GOLGA3: variants seen among roughly 807,000 people sequenced by gnomAD.
The protein encoded by GOLGA3 is golgin subfamily A member 3.
GOLGA3 carries 75 observed loss-of-function variants against 169.4 expected under a neutral mutation model. The ratio of observed to expected loss-of-function variants is 0.44; its 90% CI spans 0.37 to 0.54. The LOEUF is 0.54. Among genes scored for constraint, GOLGA3 ranks in the 20% least tolerant of loss-of-function variants. The probability of loss-of-function intolerance (pLI) is 0.00; values close to 1 mark genes in which losing one functional copy is unlikely to be tolerated. For missense variants in GOLGA3, 1,899 were observed against 1,930.0 expected (o/e 0.98, Z 0.30); for synonymous variants, 824 against 822.4 (o/e 1.00, Z -0.03).
intron 23 of GOLGA3, 148 bp downstream of exon 23, chr12:132,774,008 TC>T: frequency 1.5e-6 from 1 of 660,638 alleles, no homozygotes; most frequent in Non-Finnish European, 2.5e-6. Flanking sequence ...TATATAAACC[TC>T]AGAGGCTATG....
At position 132,780,811 on chromosome 12, in the gene GOLGA3, C is replaced by T. The variant is rs139074463; in HGVS notation, c.3569G>A (p.Ser1190Asn). Residue 1190 changes from serine (S) to asparagine (N), a missense_variant, in exon 18 of 24, where the codon AGC (serine) becomes AAC (asparagine). By Grantham distance (46) the Ser-to-Asn change is conservative (BLOSUM62 1). Transcript: ENST00000450791. Reference sequence around the variant, plus strand: ...GGTGGCACGCACCTGCTCCTTGAGGCTGTTCACCTTCTCCTTCTCCTTCTC... The same window carrying T: ...GGTGGCACGCACCTGCTCCTTGAGGTTGTTCACCTTCTCCTTCTCCTTCTC... Reference protein sequence around the residue: ...SLEKEKEKVNSLKEQVAAAKV... With the variant: ...SLEKEKEKVNNLKEQVAAAKV... 4,584 of 1,607,448 alleles carry T rather than the reference C, an allele frequency of 2.9e-3. 17 individuals carry two copies. The highest frequency in any genetic ancestry group is 2.5e-3 in the Non-Finnish European group (2,966 of 1,176,312).
intron 2 of GOLGA3, 107 bp from the exon 3 acceptor site, chr12:132,816,919 A>C: frequency 9.8e-7 from 1 of 1,024,966 alleles, no homozygotes; most frequent in Non-Finnish European, 1.4e-6. Context: ...ACTCATGAGC[A>C]CGGCACTTTC....
At chr12:132,817,990 A>G (rs550014658) in intron 2 of GOLGA3, among the ~76,000 whole-genome samples, 73 of 26,200 alleles carry the variant, frequency 2.8e-3, no homozygotes, top group South Asian at 5.3e-3. Context: ...ACACCTCCAC[A>G]CTCTAAGGTG....
chr12:132,786,112 TGAAC>T (rs950060356), intron 15 of GOLGA3, among the ~76,000 whole-genome samples: 45 of 152,328 alleles, frequency 3.0e-4, no homozygotes, highest in Admixed American at 2.5e-3. Context: ...GAAAATCAGG[TGAAC>T]GCCACAGGCC....
At position 132,774,149 on chromosome 12, in the gene GOLGA3, G is replaced by C. The variant is rs1341636357; in HGVS notation, c.4307+8C>G. ...CTAGCTGAAGTGCAGCACGGAATAC[G>C]GTCGTACTTGAGCTGCTGGAGGCAG... On this transcript the variant is annotated splice_region_variant and intron_variant, in intron 23 of 23. Coordinates refer to ENST00000450791, the MANE Select transcript of GOLGA3 (RefSeq NM_001389683.1). The C allele has an allele frequency of 5.1e-6, 8 of 1,582,096 alleles. No homozygotes were observed. In the Admixed American group the frequency reaches 1.3e-4, roughly 25 times the overall value.
intron 4 of GOLGA3, among the ~76,000 whole-genome samples, chr12:132,810,915 C>T (rs375429906): frequency 3.3e-5 from 5 of 152,328 alleles, no homozygotes; most frequent in Admixed American, 2.6e-4. Flanking sequence ...ATCCTGTACA[C>T]GTGGCTCTGC....
At chr12:132,780,664 G>A (rs527638657) in intron 18 of GOLGA3, 134 bp downstream of exon 18, 64 of 679,376 alleles carry the variant, frequency 9.4e-5, no homozygotes, top group Middle Eastern at 4.2e-4. Context: ...TGCGGCCTCC[G>A]TCACCAACAA....
chr12:132,802,882 CCT>C (rs1949201080), intron 7 of GOLGA3, among the ~76,000 whole-genome samples: 1 of 152,008 alleles, frequency 6.6e-6, no homozygotes, highest in African/African-American at 2.4e-5. Flanking sequence ...ATGGAGAAAC[CCT>C]GTCTCTAATA....
At chr12:132,811,807 A>G in intron 4 of GOLGA3, 1 of 953,792 alleles carries the variant, frequency 1.0e-6, no homozygotes, top group Non-Finnish European at 1.2e-6. Flanking sequence ...TAAGAAGAAC[A>G]CGCTGGTCAT....
chr12:132,788,921 ACCCCGCCCCAGACACAGG>A (rs71076475), intron 13 of GOLGA3, 88 bp downstream of exon 13: 49 of 220,334 alleles, frequency 2.2e-4, no homozygotes, highest in Middle Eastern at 2.3e-3. Flanking sequence ...ACCCAGACAG[ACCCCGCCCCAGACACAGG>A]CCCCGCCCCA....
At chr12:132,813,125 G>A (rs1949796249) in intron 4 of GOLGA3, among the ~76,000 whole-genome samples, 182 bp downstream of exon 4, 1 of 152,182 alleles carries the variant, frequency 6.6e-6, no homozygotes, top group African/African-American at 2.4e-5. Context: ...GTACCTCTGA[G>A]GTCACCCGTG....
In GOLGA3 at chr12:132,818,892, CCCA is replaced by C. The variant is rs573714058; in HGVS notation, c.134-2083_134-2081del. ...GGGTTGGACCAGTGACAATTCTATA[CCCA>C]CGTGTTACCTCAGTTCACCCACTAA... On this transcript the variant is annotated intron_variant, in intron 2 of 23. Transcript: ENST00000450791. Among the ~76,000 whole-genome samples the C allele has an allele frequency of 4.6e-4, 70 of 152,070 alleles. 1 individual carries two copies. The highest frequency in any genetic ancestry group is 8.1e-4 in the Non-Finnish European group (55 of 68,024).
intron 1 of GOLGA3, among the ~76,000 whole-genome samples, chr12:132,824,415 C>T (rs968488818): frequency 3.9e-5 from 6 of 152,202 alleles, no homozygotes; most frequent in East Asian, 1.9e-4. Context: ...TAAAAGGTTA[C>T]GTATGCTATT....
chr12:132,817,004 G>A (rs1949986820), intron 2 of GOLGA3, among the ~76,000 whole-genome samples, 192 bp from the exon 3 acceptor site: 1 of 152,076 alleles, frequency 6.6e-6, no homozygotes, highest in Admixed American at 6.5e-5. Context: ...CCAGGATAAG[G>A]CCCACAGCCC....
Position 132,784,035 on chromosome 12 carries a change from G to T in GOLGA3, c.3267+129C>A. ...AGCCAGAGGCCGACGGTCAGAAGGT[G>T]GCAACACCAAAAGTAGCAACGCTGG... On this transcript the variant is annotated intron_variant, in intron 16 of 23. Transcript: ENST00000450791. 2.0e-6 allele frequency: 3 copies of T among 1,532,166 alleles called. No individual in the cohort carries two copies. The East Asian group carries it at 7.3e-5, about 37-fold the overall frequency. 94.9% of individuals were successfully genotyped at this position (1,532,166 alleles called of 1,614,324 possible).
chr12:132,781,101 G>A (rs558028331), intron 17 of GOLGA3, among the ~76,000 whole-genome samples, 187 bp from the exon 18 acceptor site: 135 of 152,328 alleles, frequency 8.9e-4, no homozygotes, highest in South Asian at 3.7e-3. Context: ...TCACAGGGCC[G>A]CACTCAAGAA....
chr12:132,820,266 G>A (rs989098205), intron 2 of GOLGA3, among the ~76,000 whole-genome samples: 1 of 152,066 alleles, frequency 6.6e-6, no homozygotes, highest in African/African-American at 2.4e-5. Context: ...TTAAGCCCAG[G>A]AGTTCATGGC....
intron 3 of GOLGA3, 104 bp downstream of exon 3, chr12:132,816,436 C>A (rs1038150072): frequency 1.2e-5 from 14 of 1,199,260 alleles, no homozygotes; most frequent in Admixed American, 2.0e-5. Flanking sequence ...ACGGCAGGCA[C>A]AGGCACACAA....
chr12:132,777,541 GA>G lies in GOLGA3; in HGVS notation c.3722+124del. On this transcript the variant is annotated intron_variant, in intron 19 of 23. Coordinates refer to ENST00000450791, the MANE Select transcript of GOLGA3 (RefSeq NM_001389683.1). The surrounding 1 kb of genome is among the most constrained non-coding windows in gnomAD (Gnocchi z 4.7). The stretch of plus-strand genomic sequence containing the variant: ...GAGGCTGGGTGCCTTCTACTCCTAT[GA>G]TTCACTCAAGTACTCGGCAATTTGC... 1 of 1,036,386 alleles carries G rather than the reference GA, an allele frequency of 9.6e-7. No individual in the cohort carries two copies. The highest frequency in any genetic ancestry group is 1.6e-5 in the African/African-American group (1 of 63,254). 64.2% of individuals were successfully genotyped at this position (1,036,386 alleles called of 1,614,324 possible).
Sources: allele counts gnomAD v4.1 joint callset (sites outside exome capture counted in the v4.1 genomes callset), GRCh38; gene constraint gnomAD v4.1.1; non-coding constraint Gnocchi (gnomAD v3.1); transcripts MANE v1.5; gene names NCBI Gene and HGNC (gene_info 2026-07-23, HGNC 2026-07-21).